The following MCF2L2 variants were observed in gnomAD, a reference collection of about 807,000 sequenced individuals.
The protein encoded by MCF2L2 is MCF.2 cell line derived transforming sequence-like 2, also known as probable guanine nucleotide exchange factor MCF2L2.
In MCF2L2, 102 loss-of-function variants were observed where a neutral mutation model predicts 150.2. The observed-to-expected ratio is 0.68, with a 90% CI of 0.58 to 0.80. MCF2L2 has a LOEUF of 0.80. Ranked by LOEUF, MCF2L2 falls within the 30% of genes least tolerant of loss-of-function variation. The probability of loss-of-function intolerance (pLI) is 0.00; values close to 1 mark genes in which losing one functional copy is unlikely to be tolerated. For synonymous variants in MCF2L2, 465 were observed against 491.3 expected (o/e 0.95, Z 0.71); for missense variants, 1,256 against 1,372.8 (o/e 0.91, Z 1.34).
At chr3:183,193,413 C>T (rs1047407894) in intron 26 of MCF2L2, among the ~76,000 whole-genome samples, 2 of 148,878 alleles carry the variant, frequency 1.3e-5, no homozygotes, top group Non-Finnish European at 3.0e-5. Flanking sequence ...TGCAGTGGCG[C>T]AATCTTGGCT....
chr3:183,287,127 C>T (rs563755999), intron 14 of MCF2L2, among the ~76,000 whole-genome samples: 7 of 151,926 alleles, frequency 4.6e-5, no homozygotes, highest in Non-Finnish European at 1.0e-4. Context: ...CTGATTCTAT[C>T]CCCACCGCTG....
chr3:183,224,299 A>G, intron 18 of MCF2L2, 109 bp from the exon 19 acceptor site: 1 of 718,412 alleles, frequency 1.4e-6, no homozygotes, highest in Non-Finnish European at 2.4e-6. Context: ...TCTAATGTGT[A>G]AGGAATTGGG....
intron 1 of MCF2L2, 41 bp downstream of exon 1, chr3:183,427,861 C>T: frequency 1.9e-6 from 3 of 1,555,542 alleles, no homozygotes; most frequent in Non-Finnish European, 2.7e-6. Context: ...CATCCTCACC[C>T]GCCATTAATA....
chr3:183,197,059 G>A lies in MCF2L2; in HGVS notation c.2885-1804C>T, dbSNP rs975555236. ...TTAAGAAGTCAATTCTCACCAAATT[G>A]TTCTAGAGATTTTACATAATCCTAA... On this transcript the variant is annotated intron_variant, in intron 25 of 29. Coordinates refer to ENST00000328913, the MANE Select transcript of MCF2L2 (RefSeq NM_015078.4). The surrounding 1 kb of genome is among the most constrained non-coding windows in gnomAD (Gnocchi z 4.5). 6.6e-6 allele frequency among the ~76,000 whole-genome samples: 1 copy of A among 152,132 alleles called. No homozygotes were observed. Among genetic ancestry groups the A allele is most frequent in the Non-Finnish European group, 1.5e-5 (1 of 68,020 alleles).
chr3:183,234,687 CTT>C (rs71185647), intron 15 of MCF2L2, among the ~76,000 whole-genome samples: 1,612 of 84,242 alleles, frequency 0.019, 11 homozygotes, highest in Middle Eastern at 0.04. Flanking sequence ...ATGTATGACT[CTT>C]TTTTTTTTTT....
intron 21 of MCF2L2, among the ~76,000 whole-genome samples, chr3:183,218,621 G>A (rs1439691685): frequency 3.9e-5 from 6 of 152,046 alleles, no homozygotes; most frequent in South Asian, 2.1e-4. Context: ...GTGACAGAGC[G>A]AGACTCTGTC....
intron 2 of MCF2L2, among the ~76,000 whole-genome samples, chr3:183,382,089 C>T (rs1713562515): frequency 2.0e-5 from 3 of 150,856 alleles, no homozygotes; most frequent in African/African-American, 2.4e-5. Flanking sequence ...GATGGAATCT[C>T]GCTCTGTCAC....
At chr3:183,406,838 T>C (rs1715068995) in intron 1 of MCF2L2, among the ~76,000 whole-genome samples, 1 of 152,176 alleles carries the variant, frequency 6.6e-6, no homozygotes, top group African/African-American at 2.4e-5. Context: ...TTCATTCTCT[T>C]AACAGTATTT....
At chr3:183,312,901 T>C (rs1435062345) in intron 7 of MCF2L2, among the ~76,000 whole-genome samples, 2 of 152,228 alleles carry the variant, frequency 1.3e-5, no homozygotes, top group African/African-American at 4.8e-5. Flanking sequence ...CAGGGTTCTT[T>C]GGACACCTCC....
At chr3:183,251,390 T>A (rs1175592043) in intron 15 of MCF2L2, among the ~76,000 whole-genome samples, 1 of 152,158 alleles carries the variant, frequency 6.6e-6, no homozygotes, top group Non-Finnish European at 1.5e-5. Context: ...ACTCAGGGTT[T>A]AGTCTCCCCT....
At chr3:183,317,226 A>G (rs1729639114) in intron 7 of MCF2L2, among the ~76,000 whole-genome samples, 1 of 152,066 alleles carries the variant, frequency 6.6e-6, no homozygotes, top group African/African-American at 2.4e-5. Flanking sequence ...ATTTTTGCAA[A>G]TTTTTGGTCA....
chr3:183,266,588 G>A (rs1726147627), intron 15 of MCF2L2, among the ~76,000 whole-genome samples: 1 of 152,204 alleles, frequency 6.6e-6, no homozygotes, highest in Non-Finnish European at 1.5e-5. Context: ...GAGCACTGTG[G>A]AAAGACTGAG....
At chr3:183,246,996 A>G (rs536021621) in intron 15 of MCF2L2, among the ~76,000 whole-genome samples, 25 of 152,302 alleles carry the variant, frequency 1.6e-4, no homozygotes, top group African/African-American at 6.0e-4. Context: ...GTCCTGTCTT[A>G]TTCATCCTTG....
chr3:183,402,747 G>T (rs1560059855), intron 1 of MCF2L2, among the ~76,000 whole-genome samples: 1 of 151,926 alleles, frequency 6.6e-6, no homozygotes, highest in East Asian at 1.9e-4. Flanking sequence ...ACAAGACCAA[G>T]AAATAGATTA....
chr3:183,278,303 G>A (rs1299664936), intron 14 of MCF2L2, among the ~76,000 whole-genome samples: 3 of 151,582 alleles, frequency 2.0e-5, no homozygotes, highest in African/African-American at 7.3e-5. Context: ...GTGTGTGTGT[G>A]TGTGTTATGA....
At chr3:183,336,085 T>C (rs1730466055) in intron 5 of MCF2L2, among the ~76,000 whole-genome samples, 2 of 152,220 alleles carry the variant, frequency 1.3e-5, no homozygotes, top group Non-Finnish European at 2.9e-5. Context: ...AATAAATTTC[T>C]GTTCTTTATA....
intron 15 of MCF2L2, among the ~76,000 whole-genome samples, chr3:183,232,370 T>C (rs1723599112): frequency 6.6e-6 from 1 of 152,182 alleles, no homozygotes; most frequent in Admixed American, 6.5e-5. Context: ...CCAGGGAAAC[T>C]GTAGGTCTCC....
At chr3:183,222,492 G>C (rs944520851) in intron 20 of MCF2L2, among the ~76,000 whole-genome samples, 1 of 152,070 alleles carries the variant, frequency 6.6e-6, no homozygotes, top group Admixed American at 6.5e-5. Context: ...AGAGGTTGCA[G>C]TGAACTGAGA....
At position 183,197,431 on chromosome 3, in the gene MCF2L2, A is replaced by G. The variant is rs1019894891; in HGVS notation, c.2885-2176T>C. 6.6e-6 allele frequency among the ~76,000 whole-genome samples: 1 copy of G among 151,480 alleles called. No homozygotes were observed. The highest frequency in any genetic ancestry group is 1.5e-5 in the Non-Finnish European group (1 of 68,024). On this transcript the variant is annotated intron_variant, in intron 25 of 29. Transcript: ENST00000328913. This position sits in a 1 kb window ranked among gnomAD's most constrained non-coding sequence, Gnocchi z 4.5. ...TGAACTTTGATCCATACCTCACACC[A>G]CATACAAATCAAAAACAGAAACAAA... is the stretch of plus-strand genomic sequence containing the variant.
Sources: gnomAD v4.1 joint callset for allele counts (sites outside exome capture counted in the v4.1 genomes callset) on GRCh38, gnomAD v4.1.1 for gene constraint, Gnocchi (gnomAD v3.1) non-coding constraint, MANE v1.5 for transcripts, NCBI Gene and HGNC (gene_info 2026-07-23, HGNC 2026-07-21) for gene names.